The following NFIB variants were observed in gnomAD, a reference collection of about 807,000 sequenced individuals.
NFIB encodes the protein nuclear factor I B, also known as nuclear factor 1 B-type.
A neutral mutation model predicts 61.5 loss-of-function variants in NFIB; 11 were observed. That is an observed-to-expected ratio of 0.18 (90% confidence interval 0.11 to 0.30). The LOEUF is 0.30. NFIB is among the 10% of genes least tolerant of loss of function. The probability of loss-of-function intolerance (pLI) is 1.00; values close to 1 mark genes in which losing one functional copy is unlikely to be tolerated. For missense variants in NFIB, 471 were observed against 608.9 expected, an observed-to-expected ratio of 0.77 and a Z score of 2.38; for synonymous variants, 260 against 216.5, an observed-to-expected ratio of 1.20 and a Z score of -1.76.
chr9:14,446,500 C>G, the NFIB span, among the ~76,000 whole-genome samples: 1 of 152,072 alleles, frequency 6.6e-6, no homozygotes, highest in Non-Finnish European at 1.5e-5. Context: ...CACAAATTTT[C>G]TTTTCAGCTT....
chr9:14,235,363 A>T (rs2053638072), intron 2 of NFIB, among the ~76,000 whole-genome samples: 1 of 152,184 alleles, frequency 6.6e-6, no homozygotes, highest in South Asian at 2.1e-4. Context: ...CAGCTGTAAA[A>T]GCCTGTGTGA....
At position 14,085,388 on chromosome 9, in the gene NFIB, G is replaced by A. The variant is rs1224465117; in HGVS notation, c.*2921C>T. ...AATACACTCAATGGGACTGGGCGGT[G>A]AGGGAAAGGCAAAATAAAACCAGCC... On this transcript the variant is annotated 3_prime_UTR_variant, in exon 11 of 11. Coordinates refer to ENST00000380953, the MANE Select transcript of NFIB (RefSeq NM_001190737.2). 2 of 224,224 alleles carry A rather than the reference G, an allele frequency of 8.9e-6. No homozygotes were observed. The highest frequency in any genetic ancestry group is 2.2e-5 in the African/African-American group (1 of 44,776). 13.9% of individuals were successfully genotyped at this position (224,224 alleles called of 1,614,324 possible).
chr9:14,462,663 C>T, the NFIB span, among the ~76,000 whole-genome samples: 1 of 152,102 alleles, frequency 6.6e-6, no homozygotes, highest in South Asian at 2.1e-4. Context: ...CTATCGAATT[C>T]TTATCTCTGG....
At chr9:14,490,766 A>T in the NFIB span, among the ~76,000 whole-genome samples, 6 of 152,220 alleles carry the variant, frequency 3.9e-5, no homozygotes, top group Admixed American at 3.9e-4. Flanking sequence ...TTACTATCCA[A>T]CGCTACCACG....
At chr9:14,322,655 G>A (rs1161718085) in intron 1 of NFIB, among the ~76,000 whole-genome samples, 1 of 147,214 alleles carries the variant, frequency 6.8e-6, no homozygotes, top group Admixed American at 6.8e-5. Context: ...CGGCGGGAAG[G>A]AAACCGAAAG....
At chr9:14,483,191 C>T in the NFIB span, among the ~76,000 whole-genome samples, 2 of 152,102 alleles carry the variant, frequency 1.3e-5, no homozygotes, top group Admixed American at 6.5e-5. Context: ...AAAAGAAAGA[C>T]TCAATTTCTT....
chr9:14,522,162 A>T, the NFIB span, among the ~76,000 whole-genome samples: 1 of 152,194 alleles, frequency 6.6e-6, no homozygotes, highest in East Asian at 1.9e-4. Context: ...ACTGTTTGTC[A>T]GCCAAATCAC....
At chr9:14,486,498 A>T in the NFIB span, among the ~76,000 whole-genome samples, 3 of 152,250 alleles carry the variant, frequency 2.0e-5, no homozygotes, top group African/African-American at 7.2e-5. Context: ...GGGACTGAGC[A>T]AAATGCAAAC....
the NFIB span, among the ~76,000 whole-genome samples, chr9:14,429,599 C>T: frequency 6.6e-6 from 1 of 152,120 alleles, no homozygotes; most frequent in Admixed American, 6.6e-5. Flanking sequence ...AGAAATAGTC[C>T]CTTCATCATC....
chr9:14,179,870 G>T (rs977858115), intron 2 of NFIB, 90 bp from the exon 3 acceptor site: 177 of 1,311,858 alleles, frequency 1.3e-4, no homozygotes, highest in Non-Finnish European at 1.8e-4. Context: ...AAATTTGAAG[G>T]TATAAAAATG....
chr9:14,386,349 C>T (rs1191481964), intron 1 of NFIB, among the ~76,000 whole-genome samples: 4 of 152,066 alleles, frequency 2.6e-5, no homozygotes, highest in African/African-American at 9.7e-5. Flanking sequence ...AATTCTGAAC[C>T]CAAAAGAACA....
At chr9:14,473,869 T>C in the NFIB span, among the ~76,000 whole-genome samples, 8 of 152,344 alleles carry the variant, frequency 5.3e-5, no homozygotes, top group South Asian at 1.7e-3. Context: ...AACATACAAA[T>C]GCATGGCTTA....
the NFIB span, among the ~76,000 whole-genome samples, chr9:14,439,201 T>C: frequency 6.6e-6 from 1 of 151,972 alleles, no homozygotes; most frequent in African/African-American, 2.4e-5. Flanking sequence ...TGAAATCCCC[T>C]CTCTACAAAA....
chr9:14,170,344 C>T (rs1475234639), intron 3 of NFIB, among the ~76,000 whole-genome samples: 2 of 152,048 alleles, frequency 1.3e-5, no homozygotes, highest in Admixed American at 6.6e-5. Flanking sequence ...AGGAGGCCAC[C>T]GTAGAAGGAA....
chr9:14,470,183 AGCAATGCCTG>A, the NFIB span, among the ~76,000 whole-genome samples: 2 of 152,154 alleles, frequency 1.3e-5, no homozygotes, highest in Non-Finnish European at 2.9e-5. Context: ...AGGAGCTGGG[AGCAATGCCTG>A]GCACAGGTTG....
chr9:14,402,367 T>C (rs762173606), upstream of NFIB, among the ~76,000 whole-genome samples: 36 of 152,358 alleles, frequency 2.4e-4, no homozygotes, highest in Middle Eastern at 3.4e-3. Context: ...TGAGACTCTG[T>C]ACTTTGCTTC....
intron 1 of NFIB, among the ~76,000 whole-genome samples, chr9:14,355,382 T>G (rs1364785617): frequency 3.9e-5 from 6 of 152,118 alleles, no homozygotes; most frequent in African/African-American, 1.2e-4. Context: ...ATCTCAGACT[T>G]GAGCCCCTAG....
intron 2 of NFIB, among the ~76,000 whole-genome samples, chr9:14,297,863 T>C (rs545585952): frequency 6.6e-6 from 1 of 152,356 alleles, no homozygotes; most frequent in South Asian, 2.1e-4. Flanking sequence ...ATCTGTGTTT[T>C]AACATTTTAG....
the NFIB span, among the ~76,000 whole-genome samples, chr9:14,419,816 A>C: frequency 2.0e-5 from 3 of 152,132 alleles, no homozygotes; most frequent in Non-Finnish European, 4.4e-5. Flanking sequence ...CAGCTTTGTC[A>C]CCCCAGGACA....
Sources: allele counts gnomAD v4.1 joint callset (sites outside exome capture counted in the v4.1 genomes callset), GRCh38; gene constraint gnomAD v4.1.1; transcripts MANE v1.5; gene names NCBI Gene and HGNC (gene_info 2026-07-23, HGNC 2026-07-21).